GPR137B: variants seen among roughly 807,000 people sequenced by gnomAD.
GPR137B encodes G protein-coupled receptor 137B, also known as integral membrane protein GPR137B.
A neutral mutation model predicts 42.5 loss-of-function variants in GPR137B; 42 were observed. The observed-to-expected ratio is 0.99, with a 90% CI of 0.77 to 1.28. The LOEUF (loss-of-function observed/expected upper bound fraction) is 1.28. Ranked by LOEUF, GPR137B falls within the 50% of genes most tolerant of loss-of-function variation. The pLI is 0.00. For missense variants in GPR137B, 487 were observed against 493.9 expected (o/e 0.99, Z 0.13); for synonymous variants, 218 against 209.7 (o/e 1.04, Z -0.34).
chr1:236,142,844 G>A lies in GPR137B; in HGVS notation c.222G>A (p.Arg74=), dbSNP rs2102885291. ...TGGTGCTGCGTTACCGCCACAAGCG[G>A]CTCAGCTACCAGAGCGTCTTCCTCT... ...LWLVLRYRHK[R]LSYQSVFLFL... Residue 74 remains arginine, a synonymous_variant, in exon 1 of 7, where the codon CGG becomes CGA. Transcript: ENST00000366592. The A allele has an allele frequency of 6.2e-7, 1 of 1,614,158 alleles. No homozygotes were observed. Among genetic ancestry groups the A allele is most frequent in the Non-Finnish European group, 8.5e-7 (1 of 1,179,998 alleles).
chr1:236,196,120 G>A (rs908916239), intron 5 of GPR137B, among the ~76,000 whole-genome samples: 10 of 151,996 alleles, frequency 6.6e-5, no homozygotes, highest in African/African-American at 2.4e-4. Context: ...GTAGGATATT[G>A]CTCATGAATT....
intron 1 of GPR137B, among the ~76,000 whole-genome samples, chr1:236,162,100 A>G (rs536285781): frequency 6.6e-6 from 1 of 152,208 alleles, no homozygotes; most frequent in Non-Finnish European, 1.5e-5. Context: ...TGATAGTGAT[A>G]TGGTCAATAA....
rs1571981919 is a variant in GPR137B at position 236,171,541 on chromosome 1, G to A, written c.464+2786G>A. ...AAAAGCACTGGTCAGAAAGGAAATT[G>A]TTTAAAAAGCTTTCAACCTCTGAGC... is the stretch of plus-strand genomic sequence containing the variant. On this transcript the variant is annotated intron_variant, in intron 2 of 6. Transcript: ENST00000366592. The surrounding 1 kb of genome is among the most constrained non-coding windows in gnomAD (Gnocchi z 4.4). 6.6e-6 allele frequency among the ~76,000 whole-genome samples: 1 copy of A among 152,200 alleles called. No individual in the cohort carries two copies. The highest frequency in any genetic ancestry group is 2.4e-5 in the African/African-American group (1 of 41,448).
At chr1:236,202,867 A>AT (rs774666230) in intron 5 of GPR137B, among the ~76,000 whole-genome samples, 2 of 152,018 alleles carry the variant, frequency 1.3e-5, no homozygotes, top group Non-Finnish European at 2.9e-5. Flanking sequence ...TCTTTAATCC[A>AT]TTTTTTTTGA....
At position 236,168,649 on chromosome 1, in the gene GPR137B, A is replaced by G. The variant is rs1040364809; in HGVS notation, c.415-57A>G. Reference sequence around the variant, plus strand: ...CAGAGGAATTCCCAGTGATGGTATCAGTCTGGTTCTGTCAACATATTGGAC... The same window carrying G: ...CAGAGGAATTCCCAGTGATGGTATCGGTCTGGTTCTGTCAACATATTGGAC... On this transcript the variant is annotated intron_variant, in intron 1 of 6. Transcript: ENST00000366592. The G allele has an allele frequency of 9.4e-6, 12 of 1,282,204 alleles. No homozygotes were observed. The Admixed American group carries it at 2.0e-4, about 22-fold the overall frequency. 79.4% of individuals were successfully genotyped at this position (1,282,204 alleles called of 1,614,324 possible).
intron 5 of GPR137B, among the ~76,000 whole-genome samples, chr1:236,184,402 G>A (rs900479490): frequency 1.3e-5 from 2 of 152,198 alleles, no homozygotes; most frequent in Admixed American, 6.5e-5. Flanking sequence ...TCACATTGCT[G>A]TTCAACCAAC....
At chr1:236,184,090 A>G (rs1372984895) in intron 5 of GPR137B, among the ~76,000 whole-genome samples, 184 bp downstream of exon 5, 1 of 152,190 alleles carries the variant, frequency 6.6e-6, no homozygotes, top group East Asian at 1.9e-4. Flanking sequence ...AATGGTTTTC[A>G]GCTTAGTTTT....
intron 1 of GPR137B, among the ~76,000 whole-genome samples, chr1:236,153,236 C>A (rs987223225): frequency 6.6e-6 from 1 of 152,140 alleles, no homozygotes; most frequent in African/African-American, 2.4e-5. Context: ...ACATTTTTAT[C>A]ACCCCCAAAG....
intron 1 of GPR137B, among the ~76,000 whole-genome samples, chr1:236,163,597 C>G (rs530029759): frequency 2.6e-5 from 4 of 152,156 alleles, no homozygotes; most frequent in Non-Finnish European, 5.9e-5. Context: ...CTTTCTTGTA[C>G]TATTCTTGTG....
chr1:236,164,390 G>C (rs1382911951), intron 1 of GPR137B, among the ~76,000 whole-genome samples: 2 of 152,190 alleles, frequency 1.3e-5, no homozygotes, highest in Non-Finnish European at 2.9e-5. Context: ...TGCTGTCAAA[G>C]CACCAGAGAG....
Position 236,142,839 on chromosome 1 carries a change from A to T in GPR137B, c.217A>T (p.Lys73Ter). ...CTGGCTGGTGCTGCGTTACCGCCAC[A>T]AGCGGCTCAGCTACCAGAGCGTCTT... Reference protein sequence around the residue: ...QLWLVLRYRHKRLSYQSVFLF... With the variant: ...QLWLVLRYRH The change falls in exon 1 of 7, where the codon AAG becomes TAG. Residue 73 changes from lysine (K) to a stop codon, truncating the protein, a stop_gained. Coordinates refer to ENST00000366592, the MANE Select transcript of GPR137B (RefSeq NM_003272.4). LOFTEE classifies it high-confidence loss of function. 2.5e-6 allele frequency: 4 copies of T among 1,614,158 alleles called. No individual in the cohort carries two copies. The highest frequency in any genetic ancestry group is 3.4e-6 in the Non-Finnish European group (4 of 1,180,002).
At chr1:236,177,346 C>A (rs186087053) in intron 2 of GPR137B, among the ~76,000 whole-genome samples, 36 of 152,128 alleles carry the variant, frequency 2.4e-4, no homozygotes, top group Non-Finnish European at 5.1e-4. Flanking sequence ...CTCTCTACCC[C>A]CTCCCTCTCC....
Position 236,142,842 on chromosome 1 carries a change from C to A in GPR137B, c.220C>A (p.Arg74=). ...LWLVLRYRHK[R]LSYQSVFLFL... The stretch of plus-strand genomic sequence containing the variant: ...GCTGGTGCTGCGTTACCGCCACAAG[C>A]GGCTCAGCTACCAGAGCGTCTTCCT... Residue 74 remains arginine (R), a synonymous_variant, in exon 1 of 7, where the codon CGG becomes AGG. Coordinates refer to ENST00000366592, the MANE Select transcript of GPR137B (RefSeq NM_003272.4). The A allele has an allele frequency of 6.2e-7, 1 of 1,614,032 alleles. No homozygotes were observed. The highest frequency in any genetic ancestry group is 8.5e-7 in the Non-Finnish European group (1 of 1,179,862).
intron 6 of GPR137B, 66 bp downstream of exon 6, chr1:236,205,316 T>G (rs532663481): frequency 7.0e-7 from 1 of 1,420,090 alleles, no homozygotes; most frequent in African/African-American, 1.4e-5. Context: ...TTAAATAGAT[T>G]CAAGCTAAAA....
chr1:236,149,928 G>A lies in GPR137B; in HGVS notation c.414+6892G>A, dbSNP rs557713430. On this transcript the variant is annotated intron_variant, in intron 1 of 6. Transcript: ENST00000366592. ...TGTGCCTGTGCACGTGTGGCTGCGTGCACCTGTGTGTGTATGTGCATATGC... is the reference window on the plus strand; with the variant it reads ...TGTGCCTGTGCACGTGTGGCTGCGTACACCTGTGTGTGTATGTGCATATGC... Among the ~76,000 whole-genome samples, 3 of 152,194 alleles carry A rather than the reference G, an allele frequency of 2.0e-5. No homozygotes were observed. In the East Asian group the frequency reaches 5.8e-4, roughly 29 times the overall value.
In GPR137B at chr1:236,155,989, G is replaced by A. The variant is rs949504894; in HGVS notation, c.415-12717G>A. On this transcript the variant is annotated intron_variant, in intron 1 of 6. Coordinates refer to ENST00000366592, the MANE Select transcript of GPR137B (RefSeq NM_003272.4). The surrounding 1 kb of genome is among the most constrained non-coding windows in gnomAD (Gnocchi z 4.6). ...CACACATGCACACACACGCGCGCGC[G>A]CAAACACACATGCATACACCTGAGG... Among the ~76,000 whole-genome samples, 7 of 152,128 alleles carry A rather than the reference G, an allele frequency of 4.6e-5. No individual in the cohort carries two copies. The highest frequency in any genetic ancestry group is 2.1e-4 in the South Asian group (1 of 4,822).
At chr1:236,153,561 G>C (rs1160631208) in intron 1 of GPR137B, among the ~76,000 whole-genome samples, 1 of 152,202 alleles carries the variant, frequency 6.6e-6, no homozygotes, top group Admixed American at 6.5e-5. Flanking sequence ...ATGCGCGTTT[G>C]AGTGCTTGTT....
At chr1:236,173,427 G>A (rs954518755) in intron 2 of GPR137B, among the ~76,000 whole-genome samples, 1 of 151,614 alleles carries the variant, frequency 6.6e-6, no homozygotes, top group Admixed American at 6.6e-5. Context: ...AGGAAGGAGG[G>A]AGGGAGGGAA....
intron 6 of GPR137B, among the ~76,000 whole-genome samples, chr1:236,205,510 T>G (rs1306310512): frequency 6.6e-6 from 1 of 152,156 alleles, no homozygotes; most frequent in Non-Finnish European, 1.5e-5. Flanking sequence ...ATTTTCTTAA[T>G]AGTTATGCTG....
Sources: allele counts gnomAD v4.1 joint callset (sites outside exome capture counted in the v4.1 genomes callset), GRCh38; gene constraint gnomAD v4.1.1; non-coding constraint Gnocchi (gnomAD v3.1); transcripts MANE v1.5; gene names NCBI Gene and HGNC (gene_info 2026-07-23, HGNC 2026-07-21).